Variants in COA5 observed in about 807,000 individuals in gnomAD.
The protein encoded by COA5 is protein C2orf64.
Under a neutral mutation model 11.8 loss-of-function variants are expected in COA5, and 11 were observed. The ratio of observed to expected loss-of-function variants is 0.93; its 90% CI spans 0.59 to 1.54. The LOEUF (loss-of-function observed/expected upper bound fraction) is 1.54, where lower values mean the gene tolerates loss of function less well. COA5 is among the 40% of genes most tolerant of loss of function. The pLI, the probability that COA5 is intolerant of heterozygous loss-of-function variation, is 0.00. For synonymous variants in COA5, 38 were observed against 37.5 expected (o/e 1.01, Z -0.05); for missense variants, 87 against 89.2 (o/e 0.97, Z 0.10).
chr2:98,607,043 C>G (rs943522076), intron 1 of COA5, among the ~76,000 whole-genome samples: 1 of 152,206 alleles, frequency 6.6e-6, no homozygotes, highest in Non-Finnish European at 1.5e-5. Context: ...GAAGCAAAAT[C>G]AGACGCTCTC....
intron 1 of COA5, among the ~76,000 whole-genome samples, chr2:98,605,107 A>AGGCAGT (rs1339934012): frequency 5.9e-5 from 9 of 152,204 alleles, no homozygotes; most frequent in African/African-American, 2.2e-4. Flanking sequence ...CCTGGGGTAA[A>AGGCAGT]GATCCATCTA....
chr2:98,607,099 CAT>C (rs760154710), intron 1 of COA5, among the ~76,000 whole-genome samples: 21 of 152,320 alleles, frequency 1.4e-4, no homozygotes, highest in African/African-American at 4.1e-4. Context: ...TCATTAAACA[CAT>C]GTTTAATAAA....
intron 1 of COA5, 113 bp downstream of exon 1, chr2:98,608,194 T>C: frequency 1.3e-6 from 1 of 765,028 alleles, no homozygotes; most frequent in Non-Finnish European, 2.2e-6. Context: ...AGCTGTGACC[T>C]ACGCCCGGGA....
chr2:98,603,725 T>TA (rs768478140), intron 2 of COA5, among the ~76,000 whole-genome samples: 3 of 152,224 alleles, frequency 2.0e-5, no homozygotes, highest in Non-Finnish European at 4.4e-5. Context: ...TACTGACATT[T>TA]TCTCTTAGTC....
chr2:98,603,545 T>C (rs558903339), intron 2 of COA5, among the ~76,000 whole-genome samples: 24 of 152,038 alleles, frequency 1.6e-4, no homozygotes, highest in Non-Finnish European at 3.2e-4. Flanking sequence ...TTTAATGGGA[T>C]GCTCATATTT....
chr2:98,601,984 C>T (rs1186990003), intron 2 of COA5, among the ~76,000 whole-genome samples: 1 of 152,106 alleles, frequency 6.6e-6, no homozygotes, highest in Non-Finnish European at 1.5e-5. Context: ...ATGTTGCAGA[C>T]CACTATTCTA....
chr2:98,606,271 G>A (rs992096725), intron 1 of COA5, among the ~76,000 whole-genome samples: 13 of 152,236 alleles, frequency 8.5e-5, no homozygotes, highest in African/African-American at 3.1e-4. Flanking sequence ...GTGAGGAGCA[G>A]TGGGCAGTAG....
intron 2 of COA5, chr2:98,602,443 G>GT (rs1700654035): frequency 6.6e-6 from 1 of 152,296 alleles, no homozygotes; most frequent in African/African-American, 2.4e-5. Flanking sequence ...TGGATCAGGA[G>GT]TTTGAGACCA....
At position 98,599,602 on chromosome 2, in the gene COA5, C is replaced by A. The variant is rs1700612911; in HGVS notation, c.*1150G>T. On this transcript the variant is annotated 3_prime_UTR_variant, in exon 3 of 3. Coordinates refer to ENST00000328709, the MANE Select transcript of COA5 (RefSeq NM_001008215.3). ...CCTTTAAAAACTCAAGTGAGCTGTA[C>A]AACGCCCCGATTGCTTTAACTCCAG... 1 of 152,146 alleles carries A rather than the reference C, an allele frequency of 6.6e-6. No individual in the cohort carries two copies. The highest frequency in any genetic ancestry group is 1.5e-5 in the Non-Finnish European group (1 of 68,034). 9.4% of individuals were successfully genotyped at this position (152,146 alleles called of 1,614,324 possible). A position where few individuals can be genotyped will look rare whatever the true frequency, so the allele number is the denominator to read the frequency against.
intron 2 of COA5, among the ~76,000 whole-genome samples, chr2:98,601,549 G>A (rs948274076): frequency 2.6e-5 from 4 of 152,170 alleles, no homozygotes; most frequent in Non-Finnish European, 4.4e-5. Flanking sequence ...CATTTCTTAA[G>A]GGTAGTAGGT....
At position 98,608,363 on chromosome 2, in the gene COA5, C is replaced by A. The variant is rs750127731; in HGVS notation, c.43G>T (p.Ala15Ser). The A allele has an allele frequency of 6.2e-7, 1 of 1,609,660 alleles. No homozygotes were observed. Among genetic ancestry groups the A allele is most frequent in the Non-Finnish European group, 8.5e-7 (1 of 1,178,852 alleles). Residue 15 changes from alanine to serine, a missense_variant, in exon 1 of 3, where the codon GCG becomes TCG. Transcript: ENST00000328709. ...GCGCCCAGGTCCTCCTTCAGGCCCG[C>A]GCACGCGCCGCCCTGCGGCTTGTCC... ...YEDKPQGGACAGLKEDLGACL... is the reference protein window; with the variant it reads ...YEDKPQGGACSGLKEDLGACL...
chr2:98,606,864 A>G (rs959442866), intron 1 of COA5, among the ~76,000 whole-genome samples: 2 of 152,022 alleles, frequency 1.3e-5, no homozygotes, highest in African/African-American at 4.8e-5. Context: ...GCATTCCCCT[A>G]TGGCAGGACA....
intron 2 of COA5, among the ~76,000 whole-genome samples, chr2:98,603,172 C>G (rs1700666517): frequency 6.6e-6 from 1 of 152,116 alleles, no homozygotes; most frequent in African/African-American, 2.4e-5. Context: ...CAGTGTAGTT[C>G]CTAAGCAAAC....
chr2:98,607,752 G>C (rs999298953), intron 1 of COA5, among the ~76,000 whole-genome samples: 2 of 152,240 alleles, frequency 1.3e-5, no homozygotes, highest in Non-Finnish European at 2.9e-5. Flanking sequence ...TGAAGGAAGA[G>C]TGTAGGGGAA....
At chr2:98,608,278 TCACCAC>T in intron 1 of COA5, 23 bp downstream of exon 1, 1 of 1,538,602 alleles carries the variant, frequency 6.5e-7, no homozygotes, top group Non-Finnish European at 8.8e-7. Flanking sequence ...ACAGGGGTCG[TCACCAC>T]CGGGAGCGCC....
At chr2:98,602,946 A>T (rs1256605185) in intron 2 of COA5, among the ~76,000 whole-genome samples, 1 of 152,228 alleles carries the variant, frequency 6.6e-6, no homozygotes, top group Non-Finnish European at 1.5e-5. Context: ...TCTATGTGAG[A>T]GAAGGCAAGA....
chr2:98,599,564 C>T lies in COA5; in HGVS notation c.*1188G>A, dbSNP rs1407096770. The T allele has an allele frequency of 6.6e-6, 1 of 152,168 alleles. No homozygotes were observed. The highest frequency in any genetic ancestry group is 1.5e-5 in the Non-Finnish European group (1 of 68,028). The allele number at this position is 152,168 out of a possible 1,614,324, so 9.4% of individuals were successfully genotyped here. ...GACCCATATTGCTGTGGAATTCTCACTTTTTAGTAGAACCTTTAAAAACTC... is the reference window on the plus strand; with the variant it reads ...GACCCATATTGCTGTGGAATTCTCATTTTTTAGTAGAACCTTTAAAAACTC... On this transcript the variant is annotated 3_prime_UTR_variant, in exon 3 of 3. Transcript: ENST00000328709.
At position 98,608,461 on chromosome 2, in the gene COA5, C is replaced by A. The variant is rs1700744811; in HGVS notation, c.-56G>T. 7.3e-7 allele frequency: 1 copy of A among 1,366,030 alleles called. No individual in the cohort carries two copies. The highest frequency in any genetic ancestry group is 2.5e-5 in the East Asian group (1 of 40,616). The allele number at this position is 1,366,030 out of a possible 1,614,324, so 84.6% of individuals were successfully genotyped here. A position where few individuals can be genotyped will look rare whatever the true frequency, so the allele number is the denominator to read the frequency against. On this transcript the variant is annotated 5_prime_UTR_variant, in exon 1 of 3. Transcript: ENST00000328709. ...CTTTCTCCCACCGCAACACTTGCAA[C>A]CGGGTCGGGAGCGAGCGAGGCCCCA...
At chr2:98,603,437 C>T (rs549841947) in intron 2 of COA5, among the ~76,000 whole-genome samples, 33 of 152,120 alleles carry the variant, frequency 2.2e-4, no homozygotes, top group Non-Finnish European at 4.3e-4. Context: ...TCTGAGATTG[C>T]GCCACTGCAC....
Sources: allele counts gnomAD v4.1 joint callset (sites outside exome capture counted in the v4.1 genomes callset), GRCh38; gene constraint gnomAD v4.1.1; transcripts MANE v1.5; gene names NCBI Gene and HGNC (gene_info 2026-07-23, HGNC 2026-07-21).